The following FOXK1 variants were observed in gnomAD, a reference collection of about 807,000 sequenced individuals.
The protein encoded by FOXK1 is forkhead box protein K1.
FOXK1 carries 19 observed loss-of-function variants against 51.9 expected under a neutral mutation model. The observed-to-expected ratio is 0.37, with a 90% CI of 0.26 to 0.54. The LOEUF (loss-of-function observed/expected upper bound fraction) is 0.54. Ranked by LOEUF, FOXK1 falls within the 20% of genes least tolerant of loss-of-function variation. The probability of loss-of-function intolerance (pLI) is 0.87; values close to 1 mark genes in which losing one functional copy is unlikely to be tolerated. For missense variants in FOXK1, 870 were observed against 1,032.7 expected, an observed-to-expected ratio of 0.84 and a Z score of 2.16; for synonymous variants, 537 against 482.6, an observed-to-expected ratio of 1.11 and a Z score of -1.48.
chr7:4,730,577 C>T lies in FOXK1; in HGVS notation c.561-10261C>T, dbSNP rs1369084156. ...AGGGACCTTGCCGACCCAGCCCCCG[C>T]CCCGCCTTCAAGTTTGTGCCTTATT... On this transcript the variant is annotated intron_variant, in intron 1 of 8. Transcript: ENST00000328914. The surrounding 1 kb of genome is among the most constrained non-coding windows in gnomAD (Gnocchi z 4.7). Among the ~76,000 whole-genome samples the T allele has an allele frequency of 1.3e-5, 2 of 152,276 alleles. No homozygotes were observed. The highest frequency in any genetic ancestry group is 3.9e-4 in the East Asian group (2 of 5,170).
intron 1 of FOXK1, among the ~76,000 whole-genome samples, chr7:4,719,778 G>A (rs182043399): frequency 4.6e-5 from 7 of 152,286 alleles, no homozygotes; most frequent in African/African-American, 7.2e-5. Context: ...CACCGCGCCC[G>A]GCCTGCATTG....
At chr7:4,699,518 C>T (rs1043013708) in intron 1 of FOXK1, among the ~76,000 whole-genome samples, 1 of 152,026 alleles carries the variant, frequency 6.6e-6, no homozygotes, top group Non-Finnish European at 1.5e-5. Context: ...CAGGTGCCCA[C>T]CACCATGCTG....
rs1445177717 is a variant in FOXK1 at position 4,711,615 on chromosome 7, G to A, written c.560+28747G>A. On this transcript the variant is annotated intron_variant, in intron 1 of 8. Coordinates refer to ENST00000328914, the MANE Select transcript of FOXK1 (RefSeq NM_001037165.2). The surrounding 1 kb of genome is among the most constrained non-coding windows in gnomAD (Gnocchi z 6.3). ...CTCAAGAGTGCCACTCCTCGGCATT[G>A]TGTGGATGGGCGGTAGTGAGAATAA... 1.3e-5 allele frequency among the ~76,000 whole-genome samples: 2 copies of A among 152,198 alleles called. No homozygotes were observed. Among genetic ancestry groups the A allele is most frequent in the African/African-American group, 4.8e-5 (2 of 41,448 alleles).
chr7:4,770,977 G>C lies in FOXK1; in HGVS notation c.*8513G>C, dbSNP rs1562397769. 6.6e-6 allele frequency: 1 copy of C among 151,770 alleles called. No homozygotes were observed. Among genetic ancestry groups the C allele is most frequent in the East Asian group, 1.9e-4 (1 of 5,158 alleles). 9.4% of individuals were successfully genotyped at this position (151,770 alleles called of 1,614,324 possible). The stretch of plus-strand genomic sequence containing the variant: ...TTGATAATCAGTGCTTTAAAAAGCA[G>C]CAGTGTCCTATGAAGTGGAAATGTC... On this transcript the variant is annotated 3_prime_UTR_variant, in exon 9 of 9. Coordinates refer to ENST00000328914, the MANE Select transcript of FOXK1 (RefSeq NM_001037165.2).
In FOXK1 at chr7:4,755,318, A is replaced by C; in HGVS notation, c.985A>C (p.Ser329Arg). ...CGCCCAGGACCGGCAGCTGACCCTG[A>C]GCGGGATCTACGCCCACATCACCAA... Reference protein sequence around the residue: ...SSAQDRQLTLSGIYAHITKHY... With the variant: ...SSAQDRQLTLRGIYAHITKHY... Residue 329 changes from serine (S) to arginine (R), a missense_variant, in exon 4 of 9, where the codon AGC becomes CGC. Around this residue, in one of 3 missense-constraint regions of FOXK1, gnomAD observed 399 missense variants for 475.6 expected, o/e 0.84. Transcript: ENST00000328914. The surrounding 1 kb of genome is among the most constrained non-coding windows in gnomAD (Gnocchi z 6.6). 6.2e-7 allele frequency: 1 copy of C among 1,613,848 alleles called. No homozygotes were observed. The highest frequency in any genetic ancestry group is 8.5e-7 in the Non-Finnish European group (1 of 1,180,028).
chr7:4,757,634 C>CAAAAAAAAAAAAAAAAAA (rs59200954), intron 5 of FOXK1, among the ~76,000 whole-genome samples: 1 of 20,196 alleles, frequency 5.0e-5, no homozygotes, highest in African/African-American at 9.1e-5. Flanking sequence ...AACTCCGTCT[C>CAAAAAAAAAAAAAAAAAA]AAAAAAAAAA....
intron 1 of FOXK1, among the ~76,000 whole-genome samples, chr7:4,700,198 T>C (rs1324898466): frequency 1.3e-5 from 2 of 152,232 alleles, no homozygotes; most frequent in African/African-American, 2.4e-5. Context: ...ACCTGAGTTT[T>C]GTTGGGGCAG....
chr7:4,725,850 TGCTGGGCGTGG>T (rs1244440382), intron 1 of FOXK1, among the ~76,000 whole-genome samples: 1 of 152,186 alleles, frequency 6.6e-6, no homozygotes, highest in Non-Finnish European at 1.5e-5. Flanking sequence ...GGGGCACATG[TGCTGGGCGTGG>T]GCTGGGGCTT....
At chr7:4,740,583 C>T (rs150059590) in intron 1 of FOXK1, among the ~76,000 whole-genome samples, 1,967 of 150,846 alleles carry the variant, frequency 0.013, 44 homozygotes, top group African/African-American at 0.047. Context: ...TGCACTCCAG[C>T]CTGGGTGACA....
chr7:4,695,196 G>A (rs905897439), intron 1 of FOXK1, among the ~76,000 whole-genome samples: 1 of 152,192 alleles, frequency 6.6e-6, no homozygotes, highest in Admixed American at 6.5e-5. Context: ...ATTCATCGCC[G>A]CTTGATGAAA....
In FOXK1 at chr7:4,764,217, C is replaced by T. The variant is rs1203803844; in HGVS notation, c.*1753C>T. 6.5e-6 allele frequency: 1 copy of T among 154,440 alleles called. No individual in the cohort carries two copies. The highest frequency in any genetic ancestry group is 5.2e-4 in the Middle Eastern group (1 of 1,914). The allele number at this position is 154,440 out of a possible 1,614,324, so 9.6% of individuals were successfully genotyped here. A position where few individuals can be genotyped will look rare whatever the true frequency, so the allele number is the denominator to read the frequency against. On this transcript the variant is annotated 3_prime_UTR_variant, in exon 9 of 9. Coordinates refer to ENST00000328914, the MANE Select transcript of FOXK1 (RefSeq NM_001037165.2). ...CCATCAGAGTCCCCGTCCCCCAGGA[C>T]AAGTGCAGAACCTCTGTGGGCCCCC...
rs527447263 is a variant in FOXK1 at position 4,747,200 on chromosome 7, G to A, written c.746+6177G>A. On this transcript the variant is annotated intron_variant, in intron 2 of 8. Transcript: ENST00000328914. This position sits in a 1 kb window ranked among gnomAD's most constrained non-coding sequence, Gnocchi z 9.2. ...CTCAGGTCAGCCTCGGGTGACAAGCGGCTTGTGTGGAGTAGGCCTGTTGCA... is the reference window on the plus strand; with the variant it reads ...CTCAGGTCAGCCTCGGGTGACAAGCAGCTTGTGTGGAGTAGGCCTGTTGCA... Among the ~76,000 whole-genome samples, 14 of 152,308 alleles carry A rather than the reference G, an allele frequency of 9.2e-5. No homozygotes were observed. The highest frequency in any genetic ancestry group is 1.3e-4 in the Admixed American group (2 of 15,302).
chr7:4,718,063 C>T (rs1410422122), intron 1 of FOXK1, among the ~76,000 whole-genome samples: 3 of 152,192 alleles, frequency 2.0e-5, no homozygotes, highest in African/African-American at 4.8e-5. Flanking sequence ...CCCTGTTGCC[C>T]GTGTTCCCAC....
At chr7:4,706,182 C>T (rs1295575889) in intron 1 of FOXK1, among the ~76,000 whole-genome samples, 1 of 151,760 alleles carries the variant, frequency 6.6e-6, no homozygotes, top group Non-Finnish European at 1.5e-5. Context: ...CATTTCAGCG[C>T]GTTTTCCTCC....
At position 4,769,897 on chromosome 7, in the gene FOXK1, CCT is replaced by C. The variant is rs1197294355; in HGVS notation, c.*7434_*7435del. 6.6e-6 allele frequency: 1 copy of C among 151,046 alleles called. No homozygotes were observed. The highest frequency in any genetic ancestry group is 1.5e-5 in the Non-Finnish European group (1 of 67,200). 9.4% of individuals were successfully genotyped at this position (151,046 alleles called of 1,614,324 possible). ...CTCATTTGAGTGGTTGGTGGTTTGC[CCT>C]GTGTCAGACACGGTGAAAAGAGTGC... On this transcript the variant is annotated 3_prime_UTR_variant, in exon 9 of 9. Coordinates refer to ENST00000328914, the MANE Select transcript of FOXK1 (RefSeq NM_001037165.2). This position sits in a 1 kb window ranked among gnomAD's most constrained non-coding sequence, Gnocchi z 4.1.
chr7:4,718,076 G>C (rs540732251), intron 1 of FOXK1, among the ~76,000 whole-genome samples: 10 of 152,342 alleles, frequency 6.6e-5, no homozygotes, highest in Non-Finnish European at 1.2e-4. Flanking sequence ...GTTCCCACCA[G>C]CTCCATGGAC....
intron 1 of FOXK1, among the ~76,000 whole-genome samples, chr7:4,708,257 G>A (rs1780130122): frequency 6.6e-6 from 1 of 152,166 alleles, no homozygotes; most frequent in Non-Finnish European, 1.5e-5. Context: ...CTGGCAGAGA[G>A]GTCTCTAAAA....
At position 4,767,100 on chromosome 7, in the gene FOXK1, G is replaced by A. The variant is rs1377087630; in HGVS notation, c.*4636G>A. ...TTTTGCTTCAGAAGCCTCACATTCT[G>A]CTTTGCCCTTGAGTGACTTCATGCG... On this transcript the variant is annotated 3_prime_UTR_variant, in exon 9 of 9. Coordinates refer to ENST00000328914, the MANE Select transcript of FOXK1 (RefSeq NM_001037165.2). This position sits in a 1 kb window ranked among gnomAD's most constrained non-coding sequence, Gnocchi z 6.6. 6.6e-6 allele frequency: 1 copy of A among 152,218 alleles called. No homozygotes were observed. Among genetic ancestry groups the A allele is most frequent in the African/African-American group, 2.4e-5 (1 of 41,456 alleles). 9.4% of individuals were successfully genotyped at this position (152,218 alleles called of 1,614,324 possible). A position where few individuals can be genotyped will look rare whatever the true frequency, so the allele number is the denominator to read the frequency against.
At chr7:4,692,275 AT>A (rs1779902653) in intron 1 of FOXK1, among the ~76,000 whole-genome samples, 1 of 152,230 alleles carries the variant, frequency 6.6e-6, no homozygotes, top group Non-Finnish European at 1.5e-5. Flanking sequence ...GCTGAAGTAC[AT>A]GGAGAAAAGC....
Sources: gnomAD v4.1 joint callset for allele counts (sites outside exome capture counted in the v4.1 genomes callset) on GRCh38, gnomAD v4.1.1 for gene constraint, gnomAD v4.1.1 regional missense constraint, Gnocchi (gnomAD v3.1) non-coding constraint, MANE v1.5 for transcripts, NCBI Gene and HGNC (gene_info 2026-07-23, HGNC 2026-07-21) for gene names.